The following KLK6 variants were observed in gnomAD, a reference collection of about 807,000 sequenced individuals.
The protein encoded by KLK6 is kallikrein related peptidase 6, also known as kallikrein-6.
A neutral mutation model predicts 21.7 loss-of-function variants in KLK6; 16 were observed. The ratio of observed to expected loss-of-function variants is 0.74; its 90% CI spans 0.50 to 1.12. The LOEUF is 1.12. Among genes scored for constraint, KLK6 ranks in the 50% most tolerant of loss-of-function variants. The pLI, the probability that KLK6 is intolerant of heterozygous loss-of-function variation, is 0.00. For synonymous variants in KLK6, 116 were observed against 120.1 expected (o/e 0.97, Z 0.22); for missense variants, 276 against 304.6 (o/e 0.91, Z 0.70).
chr19:50,962,217 G>T (rs2090853598), intron 5 of KLK6: 1 of 247,664 alleles, frequency 4.0e-6, no homozygotes, highest in Non-Finnish European at 7.8e-6. Flanking sequence ...AGTAGTTTCA[G>T]TTGACCTGGA....
In KLK6 at chr19:50,967,251, G is replaced by C. The variant is rs372663064; in HGVS notation, c.115C>G (p.Leu39Val). 7.9e-5 allele frequency: 128 copies of C among 1,613,984 alleles called. No homozygotes were observed. Among genetic ancestry groups the C allele is most frequent in the Non-Finnish European group, 1.0e-4 (123 of 1,180,008 alleles). ...CAGAGCAAGTGGCCCGAGGTGTAGA[G>C]GGCAGCTTGGTAGGGGTGAGATGTC... ...DKTSHPYQAA[L>V]YTSGHLLCGG... Residue 39 changes from leucine (L) to valine (V), a missense_variant, in exon 4 of 7, where the codon CTC becomes GTC. Transcript: ENST00000310157.
intron 2 of KLK6, 50 bp from the exon 3 acceptor site, chr19:50,968,162 C>G: frequency 1.3e-6 from 2 of 1,538,904 alleles, no homozygotes; most frequent in Non-Finnish European, 1.8e-6. Flanking sequence ...GACCCTCCCC[C>G]CATCCCTCTG....
Position 50,963,456 on chromosome 19 carries a change from G to T in KLK6, c.291C>A (p.Asp97Glu). 6.2e-7 allele frequency: 1 copy of T among 1,614,214 alleles called. No homozygotes were observed. The highest frequency in any genetic ancestry group is 8.5e-7 in the Non-Finnish European group (1 of 1,180,050). Reference protein sequence around the residue: ...SSVVRAVIHPDYDAASHDQDI... With the variant: ...SSVVRAVIHPEYDAASHDQDI... Reference sequence around the variant, plus strand: ...CCTGGTCATGGCTGGCGGCATCATAGTCAGGGTGGATCACAGCCCGGACAA... The same window carrying T: ...CCTGGTCATGGCTGGCGGCATCATATTCAGGGTGGATCACAGCCCGGACAA... The change falls in exon 5 of 7, where the codon GAC becomes GAA. Residue 97 changes from aspartate (D) to glutamate (E), a missense_variant. Transcript: ENST00000310157.
At chr19:50,960,910 C>T (rs975140447) in intron 6 of KLK6, among the ~76,000 whole-genome samples, 6 of 152,224 alleles carry the variant, frequency 3.9e-5, no homozygotes, top group East Asian at 1.9e-4. Context: ...GGACTACAGG[C>T]GCCTGCCACC....
intron 6 of KLK6, 29 bp downstream of exon 6, chr19:50,961,715 G>C: frequency 1.2e-6 from 2 of 1,608,502 alleles, no homozygotes; most frequent in East Asian, 2.2e-5. Flanking sequence ...GTCCCTGGCT[G>C]TGTAAGTGGC....
intron 4 of KLK6, among the ~76,000 whole-genome samples, chr19:50,966,665 G>A (rs1002815063): frequency 3.9e-5 from 6 of 152,224 alleles, no homozygotes; most frequent in Non-Finnish European, 7.3e-5. Context: ...GCCAGGCAAG[G>A]TGGTGCACAC....
rs140656451 is a variant in KLK6, at chr19:50,965,710, C to T, written c.197+1459G>A. Among the ~76,000 whole-genome samples, 338 of 152,324 alleles carry T rather than the reference C, an allele frequency of 2.2e-3. 4 individuals carry two copies. The highest frequency in any genetic ancestry group is 7.2e-4 in the Non-Finnish European group (49 of 68,040). On this transcript the variant is annotated intron_variant, in intron 4 of 6. Coordinates refer to ENST00000310157, the MANE Select transcript of KLK6 (RefSeq NM_002774.4). Reference sequence around the variant, plus strand: ...TTAGCAGGTGCTCTTAGTCAATGTACATCAAAGGAATGAATGATGGTGGTG... The same window carrying T: ...TTAGCAGGTGCTCTTAGTCAATGTATATCAAAGGAATGAATGATGGTGGTG...
In KLK6 at chr19:50,967,291, G is replaced by T. The variant is rs1401187950; in HGVS notation, c.75C>A (p.Gly25=). The part of the protein sequence containing the change: ...WAEEQNKLVH[G]GPCDKTSHPY... Reference sequence around the variant, plus strand: ...GGTGAGATGTCTTGTCGCAGGGTCCGCCATGCACCAACTTATTCTGCTCCT... The same window carrying T: ...GGTGAGATGTCTTGTCGCAGGGTCCTCCATGCACCAACTTATTCTGCTCCT... The change falls in exon 4 of 7, where the codon GGC becomes GGA. Residue 25 remains glycine, a synonymous_variant. Coordinates refer to ENST00000310157, the MANE Select transcript of KLK6 (RefSeq NM_002774.4). 1.2e-6 allele frequency: 2 copies of T among 1,613,042 alleles called. No individual in the cohort carries two copies. Among genetic ancestry groups the T allele is most frequent in the Non-Finnish European group, 1.7e-6 (2 of 1,179,380 alleles).
In KLK6 at chr19:50,959,143, G is replaced by A; in HGVS notation, c.*21C>T. ...CAGCCAGTGGGGTGGTAGGTCGGGA[G>A]GTAGATGTCACATGTCAGGGTCACT... On this transcript the variant is annotated 3_prime_UTR_variant, in exon 7 of 7. Coordinates refer to ENST00000310157, the MANE Select transcript of KLK6 (RefSeq NM_002774.4). 1 of 1,613,920 alleles carries A rather than the reference G, an allele frequency of 6.2e-7. No individual in the cohort carries two copies. Among genetic ancestry groups the A allele is most frequent in the Non-Finnish European group, 8.5e-7 (1 of 1,179,858 alleles).
intron 2 of KLK6, 84 bp from the exon 3 acceptor site, chr19:50,968,196 T>C: frequency 8.1e-7 from 1 of 1,233,692 alleles, no homozygotes; most frequent in Non-Finnish European, 1.2e-6. Context: ...CATCCTCTCC[T>C]TCCTTCCTGG....
chr19:50,963,422 G>A lies in KLK6; in HGVS notation c.325C>T (p.Leu109=). Reference sequence around the variant, plus strand: ...TTGGCTGGGCGTGCCAGGCGCAACAGCATGATGTCCTGGTCATGGCTGGCG... The same window carrying A: ...TTGGCTGGGCGTGCCAGGCGCAACAACATGATGTCCTGGTCATGGCTGGCG... ...DAASHDQDIM[L]LRLARPAKLS... The change falls in exon 5 of 7, where the codon CTG becomes TTG. Residue 109 remains leucine, a synonymous_variant. Transcript: ENST00000310157. The A allele has an allele frequency of 6.2e-7, 1 of 1,614,222 alleles. No individual in the cohort carries two copies. Among genetic ancestry groups the A allele is most frequent in the Non-Finnish European group, 8.5e-7 (1 of 1,180,038 alleles).
intron 1 of KLK6, among the ~76,000 whole-genome samples, chr19:50,969,257 G>A (rs542210288): frequency 6.6e-6 from 1 of 152,228 alleles, no homozygotes; most frequent in East Asian, 1.9e-4. Flanking sequence ...TGAATCTGAG[G>A]CAGAGGAAGT....
intron 5 of KLK6, 37 bp downstream of exon 5, chr19:50,963,265 C>A: frequency 6.3e-7 from 1 of 1,593,504 alleles, no homozygotes; most frequent in South Asian, 1.1e-5. Context: ...CCCCAAGTAG[C>A]CAGTAGCCTG....
Position 50,959,047 on chromosome 19 carries a change from A to T in KLK6, c.*117T>A. 9.0e-7 allele frequency: 1 copy of T among 1,110,144 alleles called. No homozygotes were observed. Among genetic ancestry groups the T allele is most frequent in the East Asian group, 2.4e-5 (1 of 42,354 alleles). 68.8% of individuals were successfully genotyped at this position (1,110,144 alleles called of 1,614,324 possible). On this transcript the variant is annotated 3_prime_UTR_variant, in exon 7 of 7. Transcript: ENST00000310157. ...TCAGGACCCTCACGTCGCTGCGTTT[A>T]TTAAGCATCAGGGTCAGAGCTGGGC...
At chr19:50,967,067 G>A (rs988874140) in intron 4 of KLK6, 102 bp downstream of exon 4, 35 of 1,321,488 alleles carry the variant, frequency 2.6e-5, no homozygotes, top group Admixed American at 2.5e-4. Context: ...AGATGGCCTC[G>A]TGCTGGGATG....
intron 6 of KLK6, among the ~76,000 whole-genome samples, chr19:50,960,325 TGTTTCTGCCTGTGTCTCC>T (rs138048443): frequency 0.039 from 5,903 of 152,170 alleles, 141 homozygotes; most frequent in Non-Finnish European, 0.055. Context: ...TCTCTGTCCC[TGTTTCTGCCTGTGTCTCC>T]GTTTCTGCCT....
chr19:50,969,194 G>C (rs556924010), intron 1 of KLK6, among the ~76,000 whole-genome samples: 29 of 151,036 alleles, frequency 1.9e-4, no homozygotes, highest in African/African-American at 6.6e-4. Context: ...GGGTCTGAGG[G>C]AGGAGGGGCT....
chr19:50,965,127 G>A (rs970257208), intron 4 of KLK6, among the ~76,000 whole-genome samples: 8 of 152,090 alleles, frequency 5.3e-5, no homozygotes, highest in Admixed American at 1.3e-4. Flanking sequence ...ACAGGGTCTC[G>A]CTCTGTCACC....
In KLK6 at chr19:50,964,252, C is replaced by T. The variant is rs190412962; in HGVS notation, c.198-703G>A. ...TCACTCCCTCACTTCCTTTAAATGT[C>T]GCCTCTCAGGGAAGCCTTCCTTAGT... On this transcript the variant is annotated intron_variant, in intron 4 of 6. Coordinates refer to ENST00000310157, the MANE Select transcript of KLK6 (RefSeq NM_002774.4). Among the ~76,000 whole-genome samples, 11 of 152,268 alleles carry T rather than the reference C, an allele frequency of 7.2e-5. No homozygotes were observed. In the East Asian group the frequency reaches 2.1e-3, roughly 29 times the overall value.
Sources: gnomAD v4.1 joint callset for allele counts (sites outside exome capture counted in the v4.1 genomes callset) on GRCh38, gnomAD v4.1.1 for gene constraint, MANE v1.5 for transcripts, NCBI Gene and HGNC (gene_info 2026-07-23, HGNC 2026-07-21) for gene names.